Variants in KCNAB1 observed in about 807,000 individuals in gnomAD.
KCNAB1 encodes voltage-gated potassium channel subunit beta-1.
A neutral mutation model predicts 64.6 loss-of-function variants in KCNAB1; 35 were observed. That is an observed-to-expected ratio of 0.54 (90% CI 0.41 to 0.72). KCNAB1 has a LOEUF of 0.72. KCNAB1 is among the 30% of genes least tolerant of loss of function. KCNAB1 has a pLI of 0.00. For synonymous variants in KCNAB1, 177 were observed against 183.8 expected (o/e 0.96, Z 0.30); for missense variants, 401 against 512.9 (o/e 0.78, Z 2.11).
At chr3:156,385,210 C>G (rs2108156170) in intron 1 of KCNAB1, among the ~76,000 whole-genome samples, 1 of 152,200 alleles carries the variant, frequency 6.6e-6, no homozygotes, top group African/African-American at 2.4e-5. Flanking sequence ...AACATGTGCC[C>G]TAAGGAAGCT....
intron 1 of KCNAB1, among the ~76,000 whole-genome samples, chr3:156,357,151 A>G (rs947059389): frequency 7.0e-6 from 1 of 142,998 alleles, no homozygotes; most frequent in African/African-American, 2.9e-5. Context: ...ACAAACACAC[A>G]TGTGCGCGCA....
intron 1 of KCNAB1, among the ~76,000 whole-genome samples, chr3:156,367,318 G>A (rs1726011424): frequency 6.6e-6 from 1 of 151,548 alleles, no homozygotes; most frequent in Non-Finnish European, 1.5e-5. Flanking sequence ...TGAGACTACA[G>A]GCGCTGGCCA....
chr3:156,526,243 G>A (rs1488665852), intron 12 of KCNAB1, among the ~76,000 whole-genome samples: 7 of 152,154 alleles, frequency 4.6e-5, no homozygotes, highest in Non-Finnish European at 1.0e-4. Flanking sequence ...GTTTGCATAA[G>A]TACCCTATGA....
At chr3:156,176,677 G>T (rs1257190715) in intron 1 of KCNAB1, 3 of 1,046,536 alleles carry the variant, frequency 2.9e-6, no homozygotes, top group African/African-American at 1.6e-5. Context: ...AGGTGGATCG[G>T]TTGGGGGTGG....
At chr3:156,439,356 G>A (rs1158499893) in intron 2 of KCNAB1, among the ~76,000 whole-genome samples, 1 of 151,842 alleles carries the variant, frequency 6.6e-6, no homozygotes, top group Non-Finnish European at 1.5e-5. Context: ...GTGTTGGAAG[G>A]AAGATGAAAA....
intron 1 of KCNAB1, among the ~76,000 whole-genome samples, chr3:156,198,928 T>TTTTTTTTTTTTTTTTC: frequency 7.0e-6 from 1 of 142,474 alleles, no homozygotes; most frequent in Non-Finnish European, 1.5e-5. Flanking sequence ...TTTTTTTTTT[T>TTTTTTTTTTTTTTTTC]TTTTTTTTTT....
At chr3:156,161,236 G>T (rs1213182745) in intron 1 of KCNAB1, among the ~76,000 whole-genome samples, 1 of 152,286 alleles carries the variant, frequency 6.6e-6, no homozygotes, top group African/African-American at 2.4e-5. Context: ...AGTGGGGGTA[G>T]GCCTGGCCCC....
intron 1 of KCNAB1, among the ~76,000 whole-genome samples, chr3:156,210,957 A>C (rs1714968299): frequency 6.6e-6 from 1 of 152,230 alleles, no homozygotes; most frequent in Non-Finnish European, 1.5e-5. Flanking sequence ...TCCAGGAAGC[A>C]GAGTTGGCCA....
At chr3:156,207,296 C>G (rs936842535) in intron 1 of KCNAB1, among the ~76,000 whole-genome samples, 3 of 152,204 alleles carry the variant, frequency 2.0e-5, no homozygotes, top group South Asian at 2.1e-4. Context: ...TATTTATACT[C>G]TCCTTGCAGG....
In KCNAB1 at chr3:156,478,027, A is replaced by T. The variant is rs9829278; in HGVS notation, c.658+3207A>T. ...ACATTACAGAAGGCAAATGTTATTT[A>T]TAATCAAATTACCCTTGAAAACACT... is the stretch of plus-strand genomic sequence containing the variant. On this transcript the variant is annotated intron_variant, in intron 8 of 13. Coordinates refer to ENST00000490337, the MANE Select transcript of KCNAB1 (RefSeq NM_172160.3). Among the ~76,000 whole-genome samples, 1,148 of 152,328 alleles carry T rather than the reference A, an allele frequency of 7.5e-3. 14 individuals carry two copies. Among genetic ancestry groups the T allele is most frequent in the African/African-American group, 0.026 (1,082 of 41,580 alleles).
At chr3:156,245,971 TG>T (rs1391607153) in intron 1 of KCNAB1, among the ~76,000 whole-genome samples, 3 of 51,282 alleles carry the variant, frequency 5.9e-5, no homozygotes, top group Admixed American at 2.3e-4. Context: ...TAATCAATAT[TG>T]GTAAAAAAAA....
chr3:156,498,664 C>G (rs1221328857), intron 8 of KCNAB1, among the ~76,000 whole-genome samples: 1 of 152,276 alleles, frequency 6.6e-6, no homozygotes, highest in South Asian at 2.1e-4. Flanking sequence ...TAAAGAAGAC[C>G]AATGATTAAC....
At chr3:156,392,414 C>A (rs1713112009) in intron 1 of KCNAB1, among the ~76,000 whole-genome samples, 1 of 152,162 alleles carries the variant, frequency 6.6e-6, no homozygotes, top group African/African-American at 2.4e-5. Context: ...TCTCTCATTT[C>A]AGAAAAACTC....
chr3:156,197,625 T>G (rs1309497149), intron 1 of KCNAB1, among the ~76,000 whole-genome samples: 4 of 152,264 alleles, frequency 2.6e-5, no homozygotes, highest in Admixed American at 2.6e-4. Context: ...TTGGTATTTC[T>G]GTGGGACCAG....
intron 1 of KCNAB1, among the ~76,000 whole-genome samples, chr3:156,280,877 G>A (rs1719667434): frequency 6.7e-6 from 1 of 148,930 alleles, no homozygotes; most frequent in South Asian, 2.2e-4. Flanking sequence ...GAGACGATGG[G>A]GTTTTCTAGA....
At chr3:156,278,971 T>C (rs577539773) in intron 1 of KCNAB1, among the ~76,000 whole-genome samples, 2 of 152,212 alleles carry the variant, frequency 1.3e-5, no homozygotes, top group East Asian at 1.9e-4. Flanking sequence ...ATTTATTTTT[T>C]ATTTTTATTA....
At chr3:156,501,640 C>T (rs1354343473) in intron 8 of KCNAB1, among the ~76,000 whole-genome samples, 3 of 151,974 alleles carry the variant, frequency 2.0e-5, no homozygotes, top group African/African-American at 7.3e-5. Context: ...CCATGTTGCC[C>T]AGGCTGGTCT....
intron 1 of KCNAB1, among the ~76,000 whole-genome samples, chr3:156,349,589 TCTCA>T (rs2108081674): frequency 6.6e-6 from 1 of 152,308 alleles, no homozygotes; most frequent in East Asian, 1.9e-4. Flanking sequence ...TGAGACAGGG[TCTCA>T]CTCTGTCACC....
chr3:156,531,015 C>T (rs76614546), intron 12 of KCNAB1, among the ~76,000 whole-genome samples: 2,078 of 152,134 alleles, frequency 0.014, 48 homozygotes, highest in African/African-American at 0.048. Context: ...CCTTAAGCCC[C>T]GAGCCAACCC....
Sources: allele counts gnomAD v4.1 joint callset (sites outside exome capture counted in the v4.1 genomes callset), GRCh38; gene constraint gnomAD v4.1.1; transcripts MANE v1.5; gene names NCBI Gene and HGNC (gene_info 2026-07-23, HGNC 2026-07-21).